CSMD1: variants seen among roughly 807,000 people sequenced by gnomAD.
CSMD1 encodes CUB and Sushi multiple domains 1, also known as CUB and sushi domain-containing protein 1.
Under a neutral mutation model 417.5 loss-of-function variants are expected in CSMD1, and 213 were observed. That is an observed-to-expected ratio of 0.51 (90% CI 0.46 to 0.57). CSMD1 has a LOEUF of 0.57. Among genes scored for constraint, CSMD1 ranks in the 20% least tolerant of loss-of-function variants. The pLI, the probability that CSMD1 is intolerant of heterozygous loss-of-function variation, is 0.00. For synonymous variants in CSMD1, 2,862 were observed against 1,736.8 expected, an observed-to-expected ratio of 1.65 and a Z score of -16.11; for missense variants, 6,923 against 4,529.7, an observed-to-expected ratio of 1.53 and a Z score of -15.17.
intron 3 of CSMD1, among the ~76,000 whole-genome samples, chr8:4,296,747 C>A (rs1212961582): frequency 1.2e-5 from 1 of 81,470 alleles, no homozygotes; most frequent in Admixed American, 1.9e-4. Flanking sequence ...GGGTATATTT[C>A]TACTGTATAA....
At chr8:3,707,113 C>G (rs11998132) in intron 7 of CSMD1, among the ~76,000 whole-genome samples, 4 of 151,956 alleles carry the variant, frequency 2.6e-5, no homozygotes, top group Non-Finnish European at 4.4e-5. Context: ...TCTCAACCTG[C>G]GCAGGACTGA....
At chr8:4,395,302 C>G (rs543429783) in intron 3 of CSMD1, among the ~76,000 whole-genome samples, 20 of 152,342 alleles carry the variant, frequency 1.3e-4, no homozygotes, top group Non-Finnish European at 2.5e-4. Context: ...GCTAATTCTT[C>G]ATAACTTCAG....
intron 37 of CSMD1, among the ~76,000 whole-genome samples, chr8:3,172,138 C>T (rs915444722): frequency 6.6e-6 from 1 of 152,204 alleles, no homozygotes; most frequent in Non-Finnish European, 1.5e-5. Flanking sequence ...AGAATAAATC[C>T]TGGGCTACAA....
chr8:3,546,120 G>C lies in CSMD1; in HGVS notation c.1344+28825C>G, dbSNP rs568638311. Among the ~76,000 whole-genome samples the C allele has an allele frequency of 2.0e-4, 30 of 152,272 alleles. No homozygotes were observed. In the South Asian group the frequency reaches 5.8e-3, roughly 29 times the overall value. On this transcript the variant is annotated intron_variant, in intron 10 of 69. Coordinates refer to ENST00000635120, the MANE Select transcript of CSMD1 (RefSeq NM_033225.6). Reference sequence around the variant, plus strand: ...AGTAAAATCCAAGAAAATATGTTTTGCTGTGCATAGGTGTCTCAACTAAGC... The same window carrying C: ...AGTAAAATCCAAGAAAATATGTTTTCCTGTGCATAGGTGTCTCAACTAAGC...
At chr8:3,524,532 C>G (rs994774844) in intron 10 of CSMD1, among the ~76,000 whole-genome samples, 2 of 150,740 alleles carry the variant, frequency 1.3e-5, no homozygotes, top group Admixed American at 1.3e-4. Flanking sequence ...AAGACATACG[C>G]ACACACAAGC....
At chr8:4,163,939 G>C (rs966250510) in intron 3 of CSMD1, among the ~76,000 whole-genome samples, 2 of 152,118 alleles carry the variant, frequency 1.3e-5, no homozygotes, top group African/African-American at 4.8e-5. Context: ...TGTTATATAA[G>C]TTTTCCAGGC....
intron 38 of CSMD1, among the ~76,000 whole-genome samples, chr8:3,160,650 G>T (rs1225601672): frequency 1.3e-5 from 2 of 152,160 alleles, no homozygotes; most frequent in African/African-American, 4.8e-5. Flanking sequence ...GTAAGTGGTA[G>T]GTTTGTTCTT....
intron 5 of CSMD1, among the ~76,000 whole-genome samples, chr8:3,849,042 G>A (rs538473060): frequency 1.3e-5 from 2 of 152,012 alleles, no homozygotes; most frequent in East Asian, 1.9e-4. Flanking sequence ...TAAACTTAGT[G>A]GCATGCAGTT....
chr8:4,010,682 C>G (rs993526998), intron 4 of CSMD1, among the ~76,000 whole-genome samples: 1 of 152,150 alleles, frequency 6.6e-6, no homozygotes, highest in African/African-American at 2.4e-5. Flanking sequence ...TTCCCTGACT[C>G]TGCCTCCCCT....
At chr8:4,291,124 A>G (rs1228216599) in intron 3 of CSMD1, among the ~76,000 whole-genome samples, 3 of 152,176 alleles carry the variant, frequency 2.0e-5, no homozygotes, top group African/African-American at 7.2e-5. Context: ...TTTCTATGAC[A>G]GGAATCTGAG....
At chr8:3,362,065 T>G (rs1305026897) in intron 20 of CSMD1, among the ~76,000 whole-genome samples, 1 of 142,184 alleles carries the variant, frequency 7.0e-6, no homozygotes, top group South Asian at 2.1e-4. Context: ...GAGTTTATCC[T>G]TTTTTTCCCC....
intron 2 of CSMD1, among the ~76,000 whole-genome samples, chr8:4,428,178 G>T (rs1201131520): frequency 1.3e-5 from 2 of 152,150 alleles, no homozygotes; most frequent in South Asian, 4.1e-4. Context: ...TCACTTAAAA[G>T]GAAAACAAAC....
intron 3 of CSMD1, among the ~76,000 whole-genome samples, chr8:4,288,100 T>C (rs2680605): frequency 0.074 from 11,229 of 152,228 alleles, 499 homozygotes; most frequent in South Asian, 0.17. Flanking sequence ...TAGTTTTACT[T>C]ATTTTGCTAG....
At chr8:3,446,345 A>G (rs1025300893) in intron 12 of CSMD1, among the ~76,000 whole-genome samples, 1 of 152,242 alleles carries the variant, frequency 6.6e-6, no homozygotes, top group Non-Finnish European at 1.5e-5. Flanking sequence ...ACAAATTTAC[A>G]TAGACTGTTT....
In CSMD1 at chr8:4,587,928, G is replaced by A. The variant is rs79343675; in HGVS notation, c.302+49414C>T. On this transcript the variant is annotated intron_variant, in intron 2 of 69. Coordinates refer to ENST00000635120, the MANE Select transcript of CSMD1 (RefSeq NM_033225.6). ...GTGAATACTTTTAAACTCACTTCCA[G>A]TGATAGAAGGAGATTGTGTGTAGAC... Among the ~76,000 whole-genome samples, 839 of 152,288 alleles carry A rather than the reference G, an allele frequency of 5.5e-3. 55 individuals carry two copies. The East Asian group carries it at 0.14, about 26-fold the overall frequency.
At position 3,512,159 on chromosome 8, in the gene CSMD1, T is replaced by C. The variant is rs1241080995; in HGVS notation, c.1345-18433A>G. Among the ~76,000 whole-genome samples the C allele has an allele frequency of 3.9e-5, 6 of 152,338 alleles. No homozygotes were observed. In the East Asian group the frequency reaches 9.7e-4, roughly 25 times the overall value. ...CACGCTCATAGCACCAAACATGTCC[T>C]TGGCAGAATTTCTTACTATCCTGGC... is the stretch of plus-strand genomic sequence containing the variant. On this transcript the variant is annotated intron_variant, in intron 10 of 69. Coordinates refer to ENST00000635120, the MANE Select transcript of CSMD1 (RefSeq NM_033225.6).
chr8:4,318,258 T>A (rs1799053671), intron 3 of CSMD1, among the ~76,000 whole-genome samples: 1 of 152,134 alleles, frequency 6.6e-6, no homozygotes, highest in Non-Finnish European at 1.5e-5. Flanking sequence ...TGACACTTGG[T>A]AACATTTTTC....
chr8:4,534,669 A>G (rs768991971), intron 2 of CSMD1, among the ~76,000 whole-genome samples: 6 of 152,042 alleles, frequency 3.9e-5, no homozygotes, highest in Non-Finnish European at 7.4e-5. Flanking sequence ...GTTCCCAGTT[A>G]TAAGTGAGAA....
intron 7 of CSMD1, among the ~76,000 whole-genome samples, chr8:3,673,520 G>T (rs549346600): frequency 6.6e-6 from 1 of 152,152 alleles, no homozygotes; most frequent in Middle Eastern, 3.2e-3. Flanking sequence ...CATTTTACAG[G>T]AGAAAGTGTT....
Sources: allele counts gnomAD v4.1 joint callset (sites outside exome capture counted in the v4.1 genomes callset), GRCh38; gene constraint gnomAD v4.1.1; transcripts MANE v1.5; gene names NCBI Gene and HGNC (gene_info 2026-07-23, HGNC 2026-07-21).